The following CCDC6 variants were observed in gnomAD, a reference collection of about 807,000 sequenced individuals.
The protein encoded by CCDC6 is coiled-coil domain-containing protein 6.
A neutral mutation model predicts 56.6 loss-of-function variants in CCDC6; 20 were observed. That is an observed-to-expected ratio of 0.35 (90% CI 0.25 to 0.51). The LOEUF (loss-of-function observed/expected upper bound fraction) is 0.51. CCDC6 is among the 20% of genes least tolerant of loss of function. The pLI, the probability that CCDC6 is intolerant of heterozygous loss-of-function variation, is 0.95. For synonymous variants in CCDC6, 241 were observed against 234.4 expected (o/e 1.03, Z -0.26); for missense variants, 367 against 601.1 (o/e 0.61, Z 4.07).
At chr10:59,805,030 G>C (rs2132626807) in intron 6 of CCDC6, 1 of 159,420 alleles carries the variant, frequency 6.3e-6, no homozygotes, top group South Asian at 1.8e-4. Flanking sequence ...TCACACACTA[G>C]GATTTAATAA....
At chr10:59,803,479 T>G (rs1400184519) in intron 7 of CCDC6, among the ~76,000 whole-genome samples, 1 of 152,198 alleles carries the variant, frequency 6.6e-6, no homozygotes, top group African/African-American at 2.4e-5. Flanking sequence ...CCCTCCATAC[T>G]TTTCTCCCAA....
chr10:59,795,723 G>A (rs1020143268), intron 7 of CCDC6, among the ~76,000 whole-genome samples: 88 of 148,324 alleles, frequency 5.9e-4, no homozygotes, highest in Middle Eastern at 3.5e-3. Context: ...CAGAACATGT[G>A]GTGTTTCGTT....
intron 1 of CCDC6, among the ~76,000 whole-genome samples, chr10:59,888,909 A>G (rs1281274713): frequency 6.6e-6 from 1 of 152,118 alleles, no homozygotes; most frequent in African/African-American, 2.4e-5. Flanking sequence ...GAAATGTGAG[A>G]AAAGTATTCT....
intron 2 of CCDC6, among the ~76,000 whole-genome samples, chr10:59,838,962 T>A (rs1319723693): frequency 6.6e-6 from 1 of 152,234 alleles, no homozygotes; most frequent in East Asian, 1.9e-4. Flanking sequence ...GTCATTCAAG[T>A]GCATTTTGAT....
intron 2 of CCDC6, among the ~76,000 whole-genome samples, chr10:59,851,017 C>T (rs939803055): frequency 8.1e-5 from 12 of 148,374 alleles, no homozygotes; most frequent in Non-Finnish European, 1.5e-4. Context: ...CAATTACAGA[C>T]TATACAATCA....
chr10:59,816,268 G>GA (rs1344339025), intron 3 of CCDC6, among the ~76,000 whole-genome samples: 3 of 152,072 alleles, frequency 2.0e-5, no homozygotes, highest in Non-Finnish European at 4.4e-5. Context: ...TAAGTTTAGA[G>GA]AAAAAAAGGA....
At chr10:59,795,432 C>CAACA (rs1224882559) in intron 7 of CCDC6, among the ~76,000 whole-genome samples, 3 of 150,800 alleles carry the variant, frequency 2.0e-5, no homozygotes, top group South Asian at 4.3e-4. Flanking sequence ...CACCTCATAA[C>CAACA]TGTTAAGTTG....
At chr10:59,832,782 T>C in intron 2 of CCDC6, 129 bp from the exon 3 acceptor site, 1 of 880,536 alleles carries the variant, frequency 1.1e-6, no homozygotes, top group Non-Finnish European at 1.7e-6. Context: ...TGCTCAAATG[T>C]GCAAGTATAT....
At chr10:59,862,518 C>CACAA (rs1564751037) in intron 1 of CCDC6, among the ~76,000 whole-genome samples, 1 of 69,460 alleles carries the variant, frequency 1.4e-5, no homozygotes, top group East Asian at 4.4e-4. Flanking sequence ...TATATATATA[C>CACAA]ACACACACAC....
chr10:59,819,033 G>A (rs1292999824), intron 3 of CCDC6, among the ~76,000 whole-genome samples: 2 of 151,898 alleles, frequency 1.3e-5, no homozygotes, highest in African/African-American at 2.4e-5. Flanking sequence ...GTAATTATAC[G>A]GTTTTCATTA....
chr10:59,802,317 G>C (rs1337580319), intron 7 of CCDC6, among the ~76,000 whole-genome samples: 1 of 152,152 alleles, frequency 6.6e-6, no homozygotes, highest in Non-Finnish European at 1.5e-5. Context: ...ACCAGAAAAG[G>C]AGGAAAATTC....
At chr10:59,874,351 T>C (rs920690705) in intron 1 of CCDC6, among the ~76,000 whole-genome samples, 4 of 152,206 alleles carry the variant, frequency 2.6e-5, no homozygotes, top group Non-Finnish European at 4.4e-5. Flanking sequence ...TTATCATTTT[T>C]ATCAAACATA....
chr10:59,894,823 T>A (rs1355814117), intron 1 of CCDC6, among the ~76,000 whole-genome samples: 1 of 152,052 alleles, frequency 6.6e-6, no homozygotes, highest in Non-Finnish European at 1.5e-5. Context: ...CTGTCCCCCA[T>A]GCGATGAAGG....
At position 59,814,330 on chromosome 10, in the gene CCDC6, A is replaced by G. The variant is rs2070695641; in HGVS notation, c.686+322T>C. ...ACAAAACAACTGAGGAAGCCAGTTCAATAAGGTGGAAAGTTGAAATTGCAA... is the reference window on the plus strand; with the variant it reads ...ACAAAACAACTGAGGAAGCCAGTTCGATAAGGTGGAAAGTTGAAATTGCAA... On this transcript the variant is annotated intron_variant, in intron 4 of 8. Transcript: ENST00000263102. 2.0e-5 allele frequency among the ~76,000 whole-genome samples: 3 copies of G among 152,222 alleles called. No individual in the cohort carries two copies. The South Asian group carries it at 6.2e-4, about 31-fold the overall frequency.
intron 5 of CCDC6, among the ~76,000 whole-genome samples, chr10:59,810,296 C>CT (rs1480951706): frequency 3.1e-4 from 47 of 152,338 alleles, no homozygotes; most frequent in African/African-American, 1.1e-3. Context: ...CTGCAAGCAG[C>CT]TAAGTGCCAC....
chr10:59,832,514 C>G lies in CCDC6; in HGVS notation c.582+11G>C, dbSNP rs116915594. On this transcript the variant is annotated intron_variant, in intron 3 of 8. Transcript: ENST00000263102. ...AAAATACAATGTAAAGGAAGAGCTA[C>G]AGGTGCTTACCTGTTCTAATGTAAG... is the stretch of plus-strand genomic sequence containing the variant. 33,096 of 1,606,894 alleles carry G rather than the reference C, an allele frequency of 0.021. 381 individuals carry two copies. Among genetic ancestry groups the G allele is most frequent in the Middle Eastern group, 0.029 (174 of 5,922 alleles).
intron 6 of CCDC6, 195 bp downstream of exon 6, chr10:59,806,727 C>A: frequency 4.4e-6 from 2 of 456,226 alleles, no homozygotes; most frequent in Non-Finnish European, 7.7e-6. Context: ...TTTTTTTCAT[C>A]TTTTTGTGTT....
chr10:59,880,206 G>A (rs1328023840), intron 1 of CCDC6, among the ~76,000 whole-genome samples: 1 of 151,538 alleles, frequency 6.6e-6, no homozygotes, highest in Non-Finnish European at 1.5e-5. Context: ...TCAAAGCATG[G>A]CAGACCACGA....
Position 59,804,486 on chromosome 10 carries a change from G to A in CCDC6, c.1039C>T (p.Pro347Ser), listed in dbSNP as rs770841893. 2 of 1,612,750 alleles carry A rather than the reference G, an allele frequency of 1.2e-6. No individual in the cohort carries two copies. Among genetic ancestry groups the A allele is most frequent in the Non-Finnish European group, 1.7e-6 (2 of 1,178,790 alleles). ...GGGATCGGGCTGGACACAGTGCGAG[G>A]TCTTAATCCTTGTGCAGACATCTCA... The part of the protein sequence containing the change: ...FNEMSAQGLR[P>S]RTVSSPIPYT... Residue 347 changes from proline (P) to serine (S), a missense_variant, in exon 7 of 9, where the codon CCT becomes TCT. Transcript: ENST00000263102.
Sources: gnomAD v4.1 joint callset for allele counts (sites outside exome capture counted in the v4.1 genomes callset) on GRCh38, gnomAD v4.1.1 for gene constraint, MANE v1.5 for transcripts, NCBI Gene and HGNC (gene_info 2026-07-23, HGNC 2026-07-21) for gene names.